The following PIGX variants were observed in gnomAD, a reference collection of about 807,000 sequenced individuals.
PIGX encodes GPI alpha-1,4-mannosyltransferase I, stabilizing subunit.
A neutral mutation model predicts 28.7 loss-of-function variants in PIGX; 24 were observed. The observed-to-expected ratio is 0.84, with a 90% CI of 0.60 to 1.17. The LOEUF (loss-of-function observed/expected upper bound fraction) is 1.17. Ranked by LOEUF, PIGX falls within the 50% of genes most tolerant of loss-of-function variation. The pLI is 0.00. For missense variants in PIGX, 305 were observed against 317.8 expected, an observed-to-expected ratio of 0.96 and a Z score of 0.31; for synonymous variants, 127 against 121.0, an observed-to-expected ratio of 1.05 and a Z score of -0.33.
intron 3 of PIGX, among the ~76,000 whole-genome samples, chr3:196,724,324 C>A (rs1011814173): frequency 6.6e-5 from 10 of 152,052 alleles, no homozygotes; most frequent in African/African-American, 2.4e-4. Flanking sequence ...GATCTCATTT[C>A]TTTTCTTCAA....
At position 196,728,476 on chromosome 3, in the gene PIGX, A is replaced by T. The variant is rs969756838; in HGVS notation, c.532+340A>T. 16 of 596,718 alleles carry T rather than the reference A, an allele frequency of 2.7e-5. No individual in the cohort carries two copies. In the Admixed American group the frequency reaches 4.9e-4, roughly 18 times the overall value. The allele number at this position is 596,718 out of a possible 1,614,324, so 37.0% of individuals were successfully genotyped here. A position where few individuals can be genotyped will look rare whatever the true frequency, so the allele number is the denominator to read the frequency against. On this transcript the variant is annotated intron_variant, in intron 4 of 5. Coordinates refer to ENST00000392391, the MANE Select transcript of PIGX (RefSeq NM_017861.4). ...GTTTCTTTATATGTTTATCATCCAGATGGGCATTCCAAGACACTATACCAA... is the reference window on the plus strand; with the variant it reads ...GTTTCTTTATATGTTTATCATCCAGTTGGGCATTCCAAGACACTATACCAA...
At chr3:196,727,552 C>A (rs1257795487) in intron 3 of PIGX, among the ~76,000 whole-genome samples, 1 of 152,116 alleles carries the variant, frequency 6.6e-6, no homozygotes, top group African/African-American at 2.4e-5. Flanking sequence ...ACAGGTTTAA[C>A]CTTTTGTCAC....
chr3:196,720,057 C>T (rs1211056613), intron 2 of PIGX, among the ~76,000 whole-genome samples: 1 of 152,222 alleles, frequency 6.6e-6, no homozygotes, highest in East Asian at 1.9e-4. Flanking sequence ...GGATTACAGG[C>T]GTGAGCCACC....
chr3:196,720,526 A>G (rs1331891895), intron 2 of PIGX, among the ~76,000 whole-genome samples: 2 of 152,160 alleles, frequency 1.3e-5, no homozygotes, highest in Admixed American at 6.5e-5. Flanking sequence ...GTTGTCTCTT[A>G]AATGCCTGCT....
chr3:196,733,980 A>G lies in PIGX; in HGVS notation c.*78A>G, dbSNP rs1712919790. On this transcript the variant is annotated 3_prime_UTR_variant, in exon 6 of 6. Transcript: ENST00000392391. The surrounding 1 kb of genome is among the most constrained non-coding windows in gnomAD (Gnocchi z 4.3). ...TGACGAGAGGTGTTCTTCTAGAATT[A>G]ATTACTTTTATCTTTTGTCTTCATT... The G allele has an allele frequency of 6.4e-6, 6 of 932,068 alleles. No homozygotes were observed. The highest frequency in any genetic ancestry group is 1.0e-5 in the Non-Finnish European group (6 of 594,886). 57.7% of individuals were successfully genotyped at this position (932,068 alleles called of 1,614,324 possible).
chr3:196,719,550 C>T (rs1382363093), intron 2 of PIGX, among the ~76,000 whole-genome samples: 1 of 152,120 alleles, frequency 6.6e-6, no homozygotes, highest in Non-Finnish European at 1.5e-5. Flanking sequence ...GGTTTACAAC[C>T]TGCAATCGTT....
chr3:196,722,121 C>T (rs1466437413), intron 2 of PIGX, among the ~76,000 whole-genome samples: 1 of 152,164 alleles, frequency 6.6e-6, no homozygotes, highest in African/African-American at 2.4e-5. Flanking sequence ...CTATCCTTTC[C>T]CCATTAAATT....
Position 196,712,471 on chromosome 3 carries a change from G to A in PIGX, c.-62G>A. 1.3e-6 allele frequency: 1 copy of A among 796,598 alleles called. No homozygotes were observed. The highest frequency in any genetic ancestry group is 1.6e-6 in the Non-Finnish European group (1 of 614,548). 49.3% of individuals were successfully genotyped at this position (796,598 alleles called of 1,614,324 possible). ...CGCGGTAGGAGCTGCGGGCGGCCAGGCCCCTTCCTGCGTCCGCACCTGGCC... is the reference window on the plus strand; with the variant it reads ...CGCGGTAGGAGCTGCGGGCGGCCAGACCCCTTCCTGCGTCCGCACCTGGCC... On this transcript the variant is annotated 5_prime_UTR_variant, in exon 1 of 6. Transcript: ENST00000392391.
Position 196,731,045 on chromosome 3 carries a change from T to C in PIGX, c.586T>C (p.Leu196=), listed in dbSNP as rs367853785. The C allele has an allele frequency of 1.5e-5, 24 of 1,611,514 alleles. No homozygotes were observed. The African/African-American group carries it at 3.1e-4, about 21-fold the overall frequency. ...CTCAGAAGTGGCAGCCCCTTGTGCTTTGGAGAATGAGGATATCTGCCAATG... is the reference window on the plus strand; with the variant it reads ...CTCAGAAGTGGCAGCCCCTTGTGCTCTGGAGAATGAGGATATCTGCCAATG... Residue 196 remains leucine (L), a synonymous_variant, in exon 5 of 6, where the codon TTG becomes CTG. Transcript: ENST00000392391.
At chr3:196,722,739 T>C (rs143319341) in intron 3 of PIGX, among the ~76,000 whole-genome samples, 183 bp downstream of exon 3, 2,266 of 152,332 alleles carry the variant, frequency 0.015, 45 homozygotes, top group Admixed American at 0.04. Flanking sequence ...CCAACTAAAC[T>C]GAGCTAGTTA....
intron 1 of PIGX, among the ~76,000 whole-genome samples, chr3:196,713,553 C>A (rs1225185150): frequency 6.6e-6 from 1 of 152,114 alleles, no homozygotes; most frequent in Admixed American, 6.5e-5. Flanking sequence ...GTGGTCCACC[C>A]TCCTCAGCCT....
rs943439689 is a variant in PIGX at position 196,734,071 on chromosome 3, G to A, written c.*169G>A. 1.7e-6 allele frequency: 1 copy of A among 572,996 alleles called. No individual in the cohort carries two copies. The allele number at this position is 572,996 out of a possible 1,614,324, so 35.5% of individuals were successfully genotyped here. ...TTCTCAGCTAATTCCAAAATGTAGT[G>A]CTCTATTGCATGGATCCTTGGTAAT... On this transcript the variant is annotated 3_prime_UTR_variant, in exon 6 of 6. Transcript: ENST00000392391.
At chr3:196,715,109 AAG>A (rs1418909005) in intron 1 of PIGX, among the ~76,000 whole-genome samples, 2 of 152,136 alleles carry the variant, frequency 1.3e-5, no homozygotes, top group East Asian at 1.9e-4. Flanking sequence ...AAAATAAAAA[AAG>A]AACAAATAAA....
chr3:196,712,838 C>CG, intron 1 of PIGX, 194 bp downstream of exon 1: 1 of 1,094,240 alleles, frequency 9.1e-7, no homozygotes, highest in Non-Finnish European at 1.1e-6. Flanking sequence ...CCCGGGTCTC[C>CG]GGGAGAGTCG....
At chr3:196,720,906 G>A (rs2108680346) in intron 2 of PIGX, among the ~76,000 whole-genome samples, 1 of 152,062 alleles carries the variant, frequency 6.6e-6, no homozygotes, top group African/African-American at 2.4e-5. Flanking sequence ...TAGATCGACA[G>A]CCTCTTTTCT....
Position 196,712,543 on chromosome 3 carries a change from G to C in PIGX, c.11G>C (p.Arg4Pro), listed in dbSNP as rs1047072736. ...CCGGCTTCCGGCGTCCTGGCGGCTC[G>C]GGTGGCGGCGGTTCGGGCGGCCGCC... Residue 4 changes from arginine (R) to proline (P), a missense_variant, in exon 1 of 6, where the codon CGG becomes CCG. Coordinates refer to ENST00000392391, the MANE Select transcript of PIGX (RefSeq NM_017861.4). 1.7e-5 allele frequency: 20 copies of C among 1,173,460 alleles called. No homozygotes were observed. Among genetic ancestry groups the C allele is most frequent in the Admixed American group, 9.2e-5 (2 of 21,670 alleles). 72.7% of individuals were successfully genotyped at this position (1,173,460 alleles called of 1,614,324 possible). A position where few individuals can be genotyped will look rare whatever the true frequency, so the allele number is the denominator to read the frequency against.
At chr3:196,715,537 C>T (rs1451621601) in intron 1 of PIGX, among the ~76,000 whole-genome samples, 5 of 152,128 alleles carry the variant, frequency 3.3e-5, no homozygotes, top group Admixed American at 3.3e-4. Context: ...TTATTTTTTT[C>T]TATTCTTTTT....
rs1210122043 is a variant in PIGX, at chr3:196,712,491, C to A, written c.-42C>A. On this transcript the variant is annotated 5_prime_UTR_variant, in exon 1 of 6. In the 5' UTR this introduces an upstream ATG that the reference lacks. Coordinates refer to ENST00000392391, the MANE Select transcript of PIGX (RefSeq NM_017861.4). ...GCCAGGCCCCTTCCTGCGTCCGCACCTGGCCCCGCGCGCCCCTCTCGGGCG... is the reference window on the plus strand; with the variant it reads ...GCCAGGCCCCTTCCTGCGTCCGCACATGGCCCCGCGCGCCCCTCTCGGGCG... The A allele has an allele frequency of 2.0e-6, 2 of 1,004,310 alleles. No homozygotes were observed. The highest frequency in any genetic ancestry group is 2.5e-6 in the Non-Finnish European group (2 of 802,630). The allele number at this position is 1,004,310 out of a possible 1,614,324, so 62.2% of individuals were successfully genotyped here. A position where few individuals can be genotyped will look rare whatever the true frequency, so the allele number is the denominator to read the frequency against.
Position 196,712,486 on chromosome 3 carries a change from C to G in PIGX, c.-47C>G, listed in dbSNP as rs1214090231. 2.1e-5 allele frequency: 20 copies of G among 957,814 alleles called. No individual in the cohort carries two copies. The highest frequency in any genetic ancestry group is 2.5e-5 in the Non-Finnish European group (19 of 760,728). 59.3% of individuals were successfully genotyped at this position (957,814 alleles called of 1,614,324 possible). The stretch of plus-strand genomic sequence containing the variant: ...GGGCGGCCAGGCCCCTTCCTGCGTC[C>G]GCACCTGGCCCCGCGCGCCCCTCTC... On this transcript the variant is annotated 5_prime_UTR_variant, in exon 1 of 6. Coordinates refer to ENST00000392391, the MANE Select transcript of PIGX (RefSeq NM_017861.4).
Sources: allele counts gnomAD v4.1 joint callset (sites outside exome capture counted in the v4.1 genomes callset), GRCh38; gene constraint gnomAD v4.1.1; non-coding constraint Gnocchi (gnomAD v3.1); transcripts MANE v1.5; gene names NCBI Gene and HGNC (gene_info 2026-07-23, HGNC 2026-07-21).